RASSF8: variants seen among roughly 807,000 people sequenced by gnomAD.
The protein encoded by RASSF8 is ras association domain-containing protein 8.
Under a neutral mutation model 48.5 loss-of-function variants are expected in RASSF8, and 22 were observed. The ratio of observed to expected loss-of-function variants is 0.45; its 90% CI spans 0.32 to 0.65. RASSF8 has a LOEUF of 0.65. Ranked by LOEUF, RASSF8 falls within the 30% of genes least tolerant of loss-of-function variation. The pLI is 0.03. For missense variants in RASSF8, 418 were observed against 489.2 expected (o/e 0.85, Z 1.37); for synonymous variants, 127 against 171.5 (o/e 0.74, Z 2.03).
chr12:26,059,297 G>A (rs752637541), intron 3 of RASSF8, among the ~76,000 whole-genome samples: 2 of 152,110 alleles, frequency 1.3e-5, no homozygotes, highest in Non-Finnish European at 2.9e-5. Context: ...TCTGATCCAC[G>A]GTACTTTGAT....
chr12:25,978,411 T>C (rs566349241), intron 1 of RASSF8, among the ~76,000 whole-genome samples: 21 of 152,324 alleles, frequency 1.4e-4, no homozygotes, highest in Middle Eastern at 6.8e-3. Context: ...TATTAATTTT[T>C]GATATTGTGT....
intron 1 of RASSF8, among the ~76,000 whole-genome samples, chr12:25,969,854 A>G (rs189182395): frequency 2.3e-4 from 35 of 152,242 alleles, no homozygotes; most frequent in African/African-American, 7.7e-4. Flanking sequence ...GGTACTCAGC[A>G]TCCTATCTGG....
chr12:25,976,983 C>A (rs1941622445), intron 1 of RASSF8, among the ~76,000 whole-genome samples: 1 of 152,148 alleles, frequency 6.6e-6, no homozygotes, highest in African/African-American at 2.4e-5. Flanking sequence ...TGGTTCTCCT[C>A]ACCTTAGATT....
chr12:26,041,349 T>C (rs1405722333), intron 2 of RASSF8, among the ~76,000 whole-genome samples: 3 of 152,240 alleles, frequency 2.0e-5, no homozygotes, highest in Non-Finnish European at 2.9e-5. Flanking sequence ...AGGTCTGTAC[T>C]ATTTTGCTTC....
Position 26,072,844 on chromosome 12 carries a change from A to G in RASSF8, c.*4026A>G, listed in dbSNP as rs1230479319. The G allele has an allele frequency of 2.2e-6, 2 of 906,748 alleles. No individual in the cohort carries two copies. The highest frequency in any genetic ancestry group is 2.6e-6 in the Non-Finnish European group (2 of 758,442). 56.2% of individuals were successfully genotyped at this position (906,748 alleles called of 1,614,324 possible). On this transcript the variant is annotated 3_prime_UTR_variant, in exon 6 of 6. Coordinates refer to ENST00000689635, the MANE Select transcript of RASSF8 (RefSeq NM_001394098.1). ...TCAATATTGGATATTCTCCCAAATA[A>G]TAAATTTTCAGGATTCATTGGGGCA...
intron 2 of RASSF8, among the ~76,000 whole-genome samples, chr12:26,013,353 G>C (rs933059819): frequency 1.3e-5 from 2 of 152,118 alleles, no homozygotes; most frequent in Non-Finnish European, 2.9e-5. Context: ...TATTTTAATT[G>C]CTTATAGCAA....
rs772772698 is a variant in RASSF8, at chr12:25,994,283, A to ATTT, written c.-202-754_-202-753insTTT. Reference sequence around the variant, plus strand: ...TTGATGTCTGGATAGATTTTTAAAAAAAAAAAAAATGGTTGATGGAAGCTG... The same window carrying ATTT: ...TTGATGTCTGGATAGATTTTTAAAAATTTAAAAAAAAATGGTTGATGGAAGCTG... On this transcript the variant is annotated intron_variant, in intron 1 of 5. Coordinates refer to ENST00000689635, the MANE Select transcript of RASSF8 (RefSeq NM_001394098.1). Among the ~76,000 whole-genome samples, 159 of 150,950 alleles carry ATTT rather than the reference A, an allele frequency of 1.1e-3. 2 individuals are homozygous for ATTT. The highest frequency in any genetic ancestry group is 3.4e-3 in the Middle Eastern group (1 of 292).
chr12:26,076,432 C>T (rs1944073721), downstream of RASSF8, among the ~76,000 whole-genome samples: 1 of 152,124 alleles, frequency 6.6e-6, no homozygotes, highest in African/African-American at 2.4e-5. Context: ...CACCCTATCA[C>T]AGGCCCCAGT....
In RASSF8 at chr12:25,973,225, A is replaced by G. The variant is rs547625931; in HGVS notation, c.-203+14077A>G. Reference sequence around the variant, plus strand: ...CGCTATTTTTTTTTTTTTTAGAAGCAAAGGCTAGTTTATTTGTTAAAATGC... The same window carrying G: ...CGCTATTTTTTTTTTTTTTAGAAGCGAAGGCTAGTTTATTTGTTAAAATGC... On this transcript the variant is annotated intron_variant, in intron 1 of 5. Coordinates refer to ENST00000689635, the MANE Select transcript of RASSF8 (RefSeq NM_001394098.1). Among the ~76,000 whole-genome samples the G allele has an allele frequency of 5.6e-4, 85 of 151,868 alleles. 4 individuals are homozygous for G. In the South Asian group the frequency reaches 0.018, roughly 31 times the overall value.
At chr12:26,046,222 T>G (rs1432922588) in intron 2 of RASSF8, among the ~76,000 whole-genome samples, 1 of 152,218 alleles carries the variant, frequency 6.6e-6, no homozygotes, top group Admixed American at 6.5e-5. Context: ...TGTTGGAAAT[T>G]ATAATTCCCA....
At chr12:26,057,721 T>C (rs935861997) in intron 3 of RASSF8, among the ~76,000 whole-genome samples, 4 of 152,218 alleles carry the variant, frequency 2.6e-5, no homozygotes, top group African/African-American at 9.7e-5. Context: ...CCACAATGGT[T>C]GAACTAGTTT....
At chr12:26,067,139 A>T (rs1943892869) in intron 4 of RASSF8, among the ~76,000 whole-genome samples, 1 of 152,252 alleles carries the variant, frequency 6.6e-6, no homozygotes, top group African/African-American at 2.4e-5. Flanking sequence ...TAATATGTAA[A>T]TTTGTGACCA....
chr12:26,043,798 A>G (rs578120305), intron 2 of RASSF8, among the ~76,000 whole-genome samples: 1 of 152,204 alleles, frequency 6.6e-6, no homozygotes, highest in African/African-American at 2.4e-5. Context: ...CAGCAAACAT[A>G]ATGTAACGCC....
intron 5 of RASSF8, chr12:26,078,932 C>A: frequency 2.6e-6 from 3 of 1,154,420 alleles, no homozygotes; most frequent in South Asian, 4.4e-5. Context: ...GACAAAGACC[C>A]AAACTAAAGC....
At chr12:26,002,767 T>C (rs956244970) in intron 2 of RASSF8, among the ~76,000 whole-genome samples, 28 of 152,234 alleles carry the variant, frequency 1.8e-4, no homozygotes, top group Admixed American at 5.2e-4. Flanking sequence ...TTCTTTCTCT[T>C]GCCTTATTTC....
chr12:26,054,677 A>G (rs546227000), intron 2 of RASSF8, among the ~76,000 whole-genome samples: 12 of 152,292 alleles, frequency 7.9e-5, no homozygotes, highest in African/African-American at 2.9e-4. Flanking sequence ...CATACATGAG[A>G]AGAGAGAATG....
At chr12:25,967,872 A>G (rs61914187) in intron 1 of RASSF8, among the ~76,000 whole-genome samples, 11,002 of 152,244 alleles carry the variant, frequency 0.072, 447 homozygotes, top group Non-Finnish European at 0.09. Flanking sequence ...CTGGAGTTAG[A>G]GACAACCCTG....
chr12:25,993,897 C>A (rs534038992), intron 1 of RASSF8, among the ~76,000 whole-genome samples: 1 of 152,194 alleles, frequency 6.6e-6, no homozygotes, highest in Non-Finnish European at 1.5e-5. Context: ...ACTAGTGCAC[C>A]TTTTTGTTAC....
At chr12:25,986,997 G>GCAATCT in intron 1 of RASSF8, among the ~76,000 whole-genome samples, 1 of 151,912 alleles carries the variant, frequency 6.6e-6, no homozygotes, top group Non-Finnish European at 1.5e-5. Flanking sequence ...GTGCAATGGC[G>GCAATCT]CAATCTCAGC....
Sources: allele counts gnomAD v4.1 joint callset (sites outside exome capture counted in the v4.1 genomes callset), GRCh38; gene constraint gnomAD v4.1.1; transcripts MANE v1.5; gene names NCBI Gene and HGNC (gene_info 2026-07-23, HGNC 2026-07-21).